The following CSMD3 variants were observed in gnomAD, a reference collection of about 807,000 sequenced individuals.
CSMD3 encodes CUB and sushi domain-containing protein 3.
CSMD3 carries 177 observed loss-of-function variants against 435.2 expected under a neutral mutation model. The ratio of observed to expected loss-of-function variants is 0.41; its 90% CI spans 0.36 to 0.46. The LOEUF (loss-of-function observed/expected upper bound fraction) is 0.46. Among genes scored for constraint, CSMD3 ranks in the 20% least tolerant of loss-of-function variants. The pLI is 0.34. For missense variants in CSMD3, 4,265 were observed against 4,504.6 expected, an observed-to-expected ratio of 0.95 and a Z score of 1.52; for synonymous variants, 1,656 against 1,520.5, an observed-to-expected ratio of 1.09 and a Z score of -2.07.
At chr8:112,400,109 A>T (rs1175829827) in intron 35 of CSMD3, among the ~76,000 whole-genome samples, 1 of 152,168 alleles carries the variant, frequency 6.6e-6, no homozygotes, top group African/African-American at 2.4e-5. Flanking sequence ...TAGTCTGTTC[A>T]GGCTACTATA....
chr8:113,321,921 A>G (rs1234720884), intron 1 of CSMD3, among the ~76,000 whole-genome samples: 1 of 152,176 alleles, frequency 6.6e-6, no homozygotes, highest in African/African-American at 2.4e-5. Flanking sequence ...GCATAATCCC[A>G]AAAGCTTTAA....
At chr8:112,557,790 A>C (rs1464261809) in intron 24 of CSMD3, among the ~76,000 whole-genome samples, 1 of 151,912 alleles carries the variant, frequency 6.6e-6, no homozygotes, top group Non-Finnish European at 1.5e-5. Context: ...ATCCTTTATA[A>C]TAAACCAATA....
intron 3 of CSMD3, among the ~76,000 whole-genome samples, chr8:113,218,255 T>C (rs1350536821): frequency 2.7e-5 from 4 of 150,744 alleles, no homozygotes; most frequent in Non-Finnish European, 4.4e-5. Flanking sequence ...TAATACTCAA[T>C]GTAAACTCAG....
intron 3 of CSMD3, among the ~76,000 whole-genome samples, chr8:113,256,343 T>C (rs2093380665): frequency 6.6e-6 from 1 of 152,168 alleles, no homozygotes; most frequent in Non-Finnish European, 1.5e-5. Flanking sequence ...TTTGGACTTG[T>C]AATAATTTAA....
intron 30 of CSMD3, among the ~76,000 whole-genome samples, chr8:112,492,976 A>T (rs749342408): frequency 1.9e-4 from 29 of 152,262 alleles, no homozygotes; most frequent in Non-Finnish European, 4.1e-4. Flanking sequence ...GAATGTTAGT[A>T]TCAGAAGGTT....
chr8:112,719,092 G>C (rs1373839844), intron 13 of CSMD3, among the ~76,000 whole-genome samples: 1 of 152,054 alleles, frequency 6.6e-6, no homozygotes. Flanking sequence ...CAAACTTCAT[G>C]TAAAAAAATT....
At chr8:113,394,522 T>TTCCAC in intron 1 of CSMD3, among the ~76,000 whole-genome samples, 1 of 152,268 alleles carries the variant, frequency 6.6e-6, no homozygotes, top group Non-Finnish European at 1.5e-5. Context: ...CCAAAGTATC[T>TTCCAC]TCCACTTTAA....
At chr8:112,861,409 C>A (rs977440544) in intron 10 of CSMD3, among the ~76,000 whole-genome samples, 1 of 151,838 alleles carries the variant, frequency 6.6e-6, no homozygotes, top group Non-Finnish European at 1.5e-5. Context: ...AATGACCTGC[C>A]ATTTTACATA....
At chr8:112,785,502 T>C (rs1232943890) in intron 13 of CSMD3, among the ~76,000 whole-genome samples, 1 of 152,060 alleles carries the variant, frequency 6.6e-6, no homozygotes, top group African/African-American at 2.4e-5. Flanking sequence ...AATTTATATT[T>C]GGAAAAATCT....
intron 3 of CSMD3, among the ~76,000 whole-genome samples, chr8:113,212,867 C>A (rs1345716785): frequency 6.7e-6 from 1 of 148,702 alleles, no homozygotes; most frequent in African/African-American, 2.5e-5. Flanking sequence ...TGCACATGCA[C>A]CCTAGAACTT....
intron 16 of CSMD3, among the ~76,000 whole-genome samples, chr8:112,669,981 T>C (rs2075619186): frequency 6.6e-6 from 1 of 152,194 alleles, no homozygotes; most frequent in Non-Finnish European, 1.5e-5. Context: ...ATAGTCTTTT[T>C]CCTTTCCTCC....
intron 27 of CSMD3, chr8:112,538,838 A>G (rs945185594): frequency 6.6e-4 from 101 of 152,082 alleles, no homozygotes; most frequent in African/African-American, 2.4e-3. Flanking sequence ...CTCCTTGGCC[A>G]TCTTGGTGGG....
chr8:112,235,268 C>T (rs1322434090), intron 67 of CSMD3, among the ~76,000 whole-genome samples: 1 of 152,058 alleles, frequency 6.6e-6, no homozygotes, highest in African/African-American at 2.4e-5. Context: ...CCTGTAGTCC[C>T]AGCTGCTCAG....
chr8:113,173,971 GTTTTAGATGTAT>G, intron 3 of CSMD3, 55 bp from the exon 4 acceptor site: 1 of 1,256,490 alleles, frequency 8.0e-7, no homozygotes, highest in Non-Finnish European at 1.2e-6. Flanking sequence ...GCAGTTTATT[GTTTTAGATGTAT>G]AAAATTATAT....
chr8:113,302,754 C>A (rs946763499), intron 2 of CSMD3, among the ~76,000 whole-genome samples: 1 of 145,240 alleles, frequency 6.9e-6, no homozygotes, highest in African/African-American at 2.6e-5. Flanking sequence ...ATTGATGGGA[C>A]GTATTTCAAA....
At chr8:112,840,214 GTTT>G (rs1309180555) in intron 11 of CSMD3, among the ~76,000 whole-genome samples, 1 of 151,682 alleles carries the variant, frequency 6.6e-6, no homozygotes, top group Non-Finnish European at 1.5e-5. Flanking sequence ...CTGGGGAAGG[GTTT>G]TTATTTCTGT....
chr8:112,242,709 T>C (rs1399292630), intron 65 of CSMD3, among the ~76,000 whole-genome samples: 2 of 152,096 alleles, frequency 1.3e-5, no homozygotes, highest in Non-Finnish European at 2.9e-5. Context: ...AAAAGAAATG[T>C]ATGAGTTTAG....
chr8:113,192,953 T>G (rs1227306075), intron 3 of CSMD3, among the ~76,000 whole-genome samples: 1 of 151,624 alleles, frequency 6.6e-6, no homozygotes, highest in African/African-American at 2.4e-5. Context: ...GTGTGGCATT[T>G]GATACATTTG....
intron 7 of CSMD3, among the ~76,000 whole-genome samples, chr8:112,969,317 A>G (rs2084551651): frequency 6.6e-6 from 1 of 152,060 alleles, no homozygotes; most frequent in African/African-American, 2.4e-5. Flanking sequence ...CTCACCTAAA[A>G]TAAACGTTTT....
Sources: gnomAD v4.1 joint callset for allele counts (sites outside exome capture counted in the v4.1 genomes callset) on GRCh38, gnomAD v4.1.1 for gene constraint, MANE v1.5 for transcripts, NCBI Gene and HGNC (gene_info 2026-07-23, HGNC 2026-07-21) for gene names.